PTPRB: variants seen among roughly 807,000 people sequenced by gnomAD.
PTPRB encodes the protein receptor-type tyrosine-protein phosphatase beta.
PTPRB carries 97 observed loss-of-function variants against 238.1 expected under a neutral mutation model. The observed-to-expected ratio is 0.41, with a 90% CI of 0.35 to 0.48. The LOEUF is 0.48. PTPRB is among the 20% of genes least tolerant of loss of function. The pLI is 0.30. For missense variants in PTPRB, 2,292 were observed against 2,681.9 expected, an observed-to-expected ratio of 0.85 and a Z score of 3.21; for synonymous variants, 970 against 995.4, an observed-to-expected ratio of 0.97 and a Z score of 0.48.
At chr12:70,597,845 A>G (rs1476796554) in intron 4 of PTPRB, among the ~76,000 whole-genome samples, 1 of 152,248 alleles carries the variant, frequency 6.6e-6, no homozygotes, top group African/African-American at 2.4e-5. Flanking sequence ...CAGACAACTC[A>G]TAAGACTATG....
chr12:70,524,989 G>GTA (rs75151257), intron 32 of PTPRB, among the ~76,000 whole-genome samples: 54,494 of 149,320 alleles, frequency 0.36, 10,870 homozygotes, highest in African/African-American at 0.54. Flanking sequence ...GTGTGTGTGT[G>GTA]TATATATATA....
At chr12:70,569,533 G>T in intron 14 of PTPRB, 142 bp downstream of exon 14, 2 of 959,710 alleles carry the variant, frequency 2.1e-6, no homozygotes, top group Non-Finnish European at 3.1e-6. Flanking sequence ...GAATAAATGA[G>T]TAAGGCTCTT....
At chr12:70,580,814 G>A (rs1486935223) in intron 10 of PTPRB, among the ~76,000 whole-genome samples, 1 of 143,504 alleles carries the variant, frequency 7.0e-6, no homozygotes, top group Admixed American at 7.0e-5. Flanking sequence ...GCGAAATTCC[G>A]TCTCAAAAAA....
At chr12:70,596,442 C>T (rs1333081339) in intron 4 of PTPRB, 115 bp from the exon 5 acceptor site, 9 of 1,086,728 alleles carry the variant, frequency 8.3e-6, no homozygotes, top group African/African-American at 6.6e-5. Context: ...AGTCCAGGTT[C>T]ATTTTTCTCA....
intron 26 of PTPRB, chr12:70,539,257 C>G: frequency 1.8e-6 from 1 of 558,098 alleles, no homozygotes; most frequent in Non-Finnish European, 3.2e-6. Context: ...ACCCAAGTGG[C>G]AAACCTGAGA....
Position 70,569,703 on chromosome 12 carries a change from C to A in PTPRB, c.3606G>T (p.Lys1202Asn), listed in dbSNP as rs766880165. Residue 1202 changes from lysine to asparagine, a missense_variant, in exon 14 of 34, where the codon AAG becomes AAT. Transcript: ENST00000334414. ...IMIASVSGSL[K>N]NQINVVGRTV... is the part of the protein sequence containing the mutation. The stretch of plus-strand genomic sequence containing the variant: ...TCCGCCCAACCACATTTATCTGATT[C>A]TTCAGGGACCCGCTGACTGAGGCAA... The A allele has an allele frequency of 6.2e-7, 1 of 1,613,910 alleles. No individual in the cohort carries two copies. The highest frequency in any genetic ancestry group is 8.5e-7 in the Non-Finnish European group (1 of 1,179,882).
rs113284091 is a variant in PTPRB at position 70,569,680 on chromosome 12, C to A, written c.3629G>T (p.Arg1210Leu). Residue 1210 changes from arginine (R) to leucine (L), a missense_variant, in exon 14 of 34, where the codon CGG becomes CTG. Arg to Leu is a moderately radical substitution (Grantham distance 102, BLOSUM62 -2). This residue lies in a region of PTPRB where 683 missense variants were observed against 862.0 expected (regional missense o/e 0.79). Coordinates refer to ENST00000334414, the MANE Select transcript of PTPRB (RefSeq NM_001109754.4). ...SLKNQINVVG[R>L]TVPASVQGVI... ...TTCTCCAGGTGGATGCTTACCTGTC[C>A]GCCCAACCACATTTATCTGATTCTT... is the stretch of plus-strand genomic sequence containing the variant. 1 of 1,613,682 alleles carries A rather than the reference C, an allele frequency of 6.2e-7. No individual in the cohort carries two copies. Among genetic ancestry groups the A allele is most frequent in the Admixed American group, 1.7e-5 (1 of 59,986 alleles).
intron 23 of PTPRB, 131 bp from the exon 24 acceptor site, chr12:70,540,153 G>A (rs1874833271): frequency 1.4e-6 from 1 of 694,240 alleles, no homozygotes. Flanking sequence ...TTTGCACTCA[G>A]CCAACATCTC....
At chr12:70,554,863 C>T (rs1391316132) in intron 20 of PTPRB, among the ~76,000 whole-genome samples, 4 of 152,112 alleles carry the variant, frequency 2.6e-5, no homozygotes, top group Non-Finnish European at 5.9e-5. Context: ...TCCAATAGTG[C>T]ACAGCACGTA....
In PTPRB at chr12:70,524,542, C is replaced by G. The variant is rs748893732; in HGVS notation, c.6554G>C (p.Arg2185Thr). ...HQCVRDVLRA[R>T]KLRSEQENPL... is the part of the protein sequence containing the mutation. ...GTTTTCTTGTTCACTCCGTAGCTTTCTTGCTCTGAGGACATCTCTTACACA... is the reference window on the plus strand; with the variant it reads ...GTTTTCTTGTTCACTCCGTAGCTTTGTTGCTCTGAGGACATCTCTTACACA... Residue 2185 changes from arginine (R) to threonine (T), a missense_variant, in exon 33 of 34, where the codon AGA becomes ACA. By Grantham distance (71) the Arg-to-Thr change is moderately conservative. Transcript: ENST00000334414. 1 of 1,613,268 alleles carries G rather than the reference C, an allele frequency of 6.2e-7. No individual in the cohort carries two copies. The highest frequency in any genetic ancestry group is 8.5e-7 in the Non-Finnish European group (1 of 1,179,316).
chr12:70,581,895 A>G (rs994497936), intron 9 of PTPRB, among the ~76,000 whole-genome samples: 3 of 152,008 alleles, frequency 2.0e-5, no homozygotes, highest in Non-Finnish European at 4.4e-5. Flanking sequence ...TATATGTCTC[A>G]TAAAGGTTAC....
chr12:70,570,927 C>A, intron 13 of PTPRB, 99 bp downstream of exon 13: 1 of 1,339,274 alleles, frequency 7.5e-7, no homozygotes, highest in East Asian at 2.4e-5. Context: ...TGCTGTCTCC[C>A]TTTTATCCCT....
At chr12:70,568,304 C>G (rs965895387) in intron 14 of PTPRB, among the ~76,000 whole-genome samples, 4 of 152,036 alleles carry the variant, frequency 2.6e-5, no homozygotes, top group African/African-American at 9.7e-5. Context: ...TGAATGCCCA[C>G]TTTCTTTTTT....
At position 70,532,141 on chromosome 12, in the gene PTPRB, A is replaced by G. The variant is rs768311813; in HGVS notation, c.6398T>C (p.Ile2133Thr). The G allele has an allele frequency of 9.3e-6, 15 of 1,613,554 alleles. No individual in the cohort carries two copies. Among genetic ancestry groups the G allele is most frequent in the Non-Finnish European group, 1.2e-5 (14 of 1,179,732 alleles). ...SAGVGRTGTF[I>T]ALDRILQQLD... is the part of the protein sequence containing the mutation. ...CTGCTGGAGGATTCGGTCCAATGCA[A>G]TAAAGGTTCCAGTCCTACCCACACC... Residue 2133 changes from isoleucine to threonine, a missense_variant, in exon 32 of 34, where the codon ATT becomes ACT. This residue lies in a region of PTPRB where 397 missense variants were observed against 502.0 expected (regional missense o/e 0.79). Transcript: ENST00000334414.
chr12:70,587,290 G>A, intron 8 of PTPRB, 23 bp from the exon 9 acceptor site: 1 of 1,612,126 alleles, frequency 6.2e-7, no homozygotes, highest in Non-Finnish European at 8.5e-7. Context: ...CAATGGAGAT[G>A]GGTCATTGAT....
chr12:70,551,929 T>C (rs1876939334), intron 21 of PTPRB, among the ~76,000 whole-genome samples: 1 of 152,112 alleles, frequency 6.6e-6, no homozygotes, highest in Non-Finnish European at 1.5e-5. Flanking sequence ...AGACAGCTGC[T>C]CCTTTTCATT....
At chr12:70,535,525 C>T (rs907831786) in intron 29 of PTPRB, among the ~76,000 whole-genome samples, 5 of 152,106 alleles carry the variant, frequency 3.3e-5, no homozygotes, top group South Asian at 2.1e-4. Flanking sequence ...GCACTTTATA[C>T]GTAATCTCTC....
chr12:70,552,995 C>G lies in PTPRB; in HGVS notation c.5169G>C (p.Gln1723His), dbSNP rs1017173430. 1 of 1,613,664 alleles carries G rather than the reference C, an allele frequency of 6.2e-7. No individual in the cohort carries two copies. Among genetic ancestry groups the G allele is most frequent in the African/African-American group, 1.3e-5 (1 of 74,916 alleles). ...ADGSDELKPE[Q>H]QHPLPSYLEY... ...CCAGGTAGGAAGGGAGAGGGTGCTG[C>G]TGTTCTGGCTTCAGCTCATCACTGC... The change falls in exon 21 of 34, where the codon CAG (glutamine) becomes CAC (histidine). Residue 1723 changes from glutamine (Q) to histidine (H), a missense_variant. This residue lies in a region of PTPRB where 683 missense variants were observed against 862.0 expected (regional missense o/e 0.79). Coordinates refer to ENST00000334414, the MANE Select transcript of PTPRB (RefSeq NM_001109754.4).
intron 3 of PTPRB, among the ~76,000 whole-genome samples, chr12:70,612,770 T>G (rs1214471326): frequency 6.6e-6 from 1 of 152,102 alleles, no homozygotes; most frequent in Non-Finnish European, 1.5e-5. Context: ...GTAGATCACT[T>G]GAGTCCAGGA....
Sources: gnomAD v4.1 joint callset for allele counts (sites outside exome capture counted in the v4.1 genomes callset) on GRCh38, gnomAD v4.1.1 for gene constraint, gnomAD v4.1.1 regional missense constraint, MANE v1.5 for transcripts, NCBI Gene and HGNC (gene_info 2026-07-23, HGNC 2026-07-21) for gene names.